Variants in MSN observed in about 807,000 individuals in gnomAD.
MSN encodes the protein epididymis luminal protein 70.
A neutral mutation model predicts 48.0 loss-of-function variants in MSN; 2 were observed. The observed-to-expected ratio is 0.04, with a 90% CI of 0.02 to 0.13. MSN has a LOEUF of 0.13. Ranked by LOEUF, MSN falls within the 10% of genes least tolerant of loss-of-function variation. The pLI is 1.00. For synonymous variants in MSN, 146 were observed against 166.9 expected (o/e 0.87, Z 0.97); for missense variants, 267 against 470.1 (o/e 0.57, Z 3.99).
intron 12 of MSN, 106 bp downstream of exon 12, chrX:65,739,300 G>T (rs1310802830): frequency 1.3e-6 from 1 of 799,907 alleles, no homozygotes; most frequent in African/African-American, 2.1e-5. Context: ...CTGTCCCAGT[G>T]TTGTATGGGA....
intron 1 of MSN, among the ~76,000 whole-genome samples, chrX:65,622,846 A>C (rs780922411): frequency 9.0e-6 from 1 of 111,216 alleles, no homozygotes; most frequent in African/African-American, 3.3e-5. Context: ...TAAAGGGGAA[A>C]AGTTTTCAGT....
At chrX:65,661,110 T>C (rs1436538205) in intron 1 of MSN, among the ~76,000 whole-genome samples, 1 of 110,799 alleles carries the variant, frequency 9.0e-6, no homozygotes, top group East Asian at 2.8e-4. Flanking sequence ...ATTACAGGTG[T>C]CTGCCATCAT....
At chrX:65,725,581 A>C (rs1256428293) in intron 2 of MSN, among the ~76,000 whole-genome samples, 1 of 111,692 alleles carries the variant, frequency 9.0e-6, no homozygotes, top group East Asian at 2.8e-4. Flanking sequence ...GTGCTTTAAA[A>C]AAATCTTTTC....
intron 1 of MSN, among the ~76,000 whole-genome samples, chrX:65,672,822 A>G (rs980601413): frequency 3.6e-5 from 4 of 111,736 alleles, no homozygotes; most frequent in Non-Finnish European, 5.6e-5. Context: ...TCTTGATGGT[A>G]TAAGAGCATT....
chrX:65,738,529 T>C lies in MSN; in HGVS notation c.1256T>C (p.Leu419Ser). 8.3e-7 allele frequency: 1 copy of C among 1,205,511 alleles called. No individual in the cohort carries two copies. Among genetic ancestry groups the C allele is most frequent in the Non-Finnish European group, 1.1e-6 (1 of 892,446 alleles). ...AGGCTTCCAATTTATCCGTAGGCCTTGGAAATGGCAGAGCTGACAGCTCGA... is the reference window on the plus strand; with the variant it reads ...AGGCTTCCAATTTATCCGTAGGCCTCGGAAATGGCAGAGCTGACAGCTCGA... ...DQKKTQEQLA[L>S]EMAELTARIS... is the part of the protein sequence containing the mutation. The change falls in exon 11 of 13, where the codon TTG becomes TCG. Residue 419 changes from leucine (L) to serine (S), a missense_variant. This residue lies in a region of MSN where 70 missense variants were observed against 76.3 expected (regional missense o/e 0.92). Transcript: ENST00000360270.
intron 1 of MSN, among the ~76,000 whole-genome samples, chrX:65,675,795 G>T (rs1346719014): frequency 9.0e-6 from 1 of 110,972 alleles, no homozygotes; most frequent in East Asian, 2.8e-4. Flanking sequence ...GCGCCACCAC[G>T]CCCAGCCAAT....
At chrX:65,661,674 G>T (rs964913418) in intron 1 of MSN, among the ~76,000 whole-genome samples, 4 of 112,041 alleles carry the variant, frequency 3.6e-5, no homozygotes, top group African/African-American at 1.3e-4. Context: ...TTTTAGAATA[G>T]TTTCAGTAGA....
At chrX:65,651,008 T>A (rs997535761) in intron 1 of MSN, among the ~76,000 whole-genome samples, 133 of 112,063 alleles carry the variant, frequency 1.2e-3, no homozygotes, top group African/African-American at 4.2e-3. Context: ...GTGATTACAC[T>A]GTGCCCACGC....
intron 1 of MSN, among the ~76,000 whole-genome samples, chrX:65,653,544 T>TTGGAA (rs1199064780): frequency 9.1e-6 from 1 of 110,425 alleles, no homozygotes; most frequent in African/African-American, 3.3e-5. Context: ...AAGGGGCTAC[T>TTGGAA]ATACATTAGG....
rs2071640613 is a variant in MSN at position 65,733,164 on chromosome X, A to G, written c.699-20A>G. 1 of 1,173,818 alleles carries G rather than the reference A, an allele frequency of 8.5e-7. No homozygotes were observed. Among genetic ancestry groups the G allele is most frequent in the Non-Finnish European group, 1.2e-6 (1 of 862,107 alleles). The stretch of plus-strand genomic sequence containing the variant: ...CTTGTCTTGCCCTTGTCCTGATGTT[A>G]TTGGTTTCTATTTCTACAGACTAAC... On this transcript the variant is annotated intron_variant, in intron 6 of 12. Coordinates refer to ENST00000360270, the MANE Select transcript of MSN (RefSeq NM_002444.3).
chrX:65,598,102 C>T (rs1215253837), intron 1 of MSN, among the ~76,000 whole-genome samples: 1 of 111,166 alleles, frequency 9.0e-6, no homozygotes, highest in African/African-American at 3.3e-5. Context: ...CAGGAAGCAC[C>T]AGAACTATTT....
intron 1 of MSN, chrX:65,593,197 C>G (rs1323682314): frequency 9.2e-6 from 1 of 109,118 alleles, no homozygotes; most frequent in Non-Finnish European, 1.9e-5. Flanking sequence ...GTTTTTTCCT[C>G]CCTCCTTTTC....
chrX:65,713,398 A>G (rs1350363853), intron 1 of MSN, among the ~76,000 whole-genome samples: 1 of 111,419 alleles, frequency 9.0e-6, no homozygotes, highest in African/African-American at 3.3e-5. Flanking sequence ...CCAATGAGAC[A>G]TAAATATAGG....
Position 65,741,921 on chromosome X carries a change from G to A in MSN, c.*2028G>A, listed in dbSNP as rs1408924199. On this transcript the variant is annotated 3_prime_UTR_variant, in exon 13 of 13. Transcript: ENST00000360270. ...TCTATTTCAGTGCCAATAAAATTTA[G>A]GAAGACTTCACAGTGACTCAATCGT... 3 of 150,155 alleles carry A rather than the reference G, an allele frequency of 2.0e-5. No individual in the cohort carries two copies. The Admixed American group carries it at 2.6e-4, about 13-fold the overall frequency. The allele number at this position is 150,155 out of a possible 1,213,427, so 12.4% of individuals were successfully genotyped here.
intron 1 of MSN, among the ~76,000 whole-genome samples, chrX:65,649,445 G>A (rs186436165): frequency 4.2e-4 from 43 of 101,282 alleles, no homozygotes; most frequent in Admixed American, 3.3e-3. Context: ...GCGTGGTGGC[G>A]GGTGCCTGTA....
chrX:65,674,795 A>G lies in MSN; in HGVS notation c.12+6942A>G, dbSNP rs183696746. Reference sequence around the variant, plus strand: ...GCCTGGGGCAGGAAGCTAAAAAAAGACCTTTCAAGCCTCCGTGGAAAGGAA... The same window carrying G: ...GCCTGGGGCAGGAAGCTAAAAAAAGGCCTTTCAAGCCTCCGTGGAAAGGAA... On this transcript the variant is annotated intron_variant, in intron 1 of 12. Coordinates refer to ENST00000360270, the MANE Select transcript of MSN (RefSeq NM_002444.3). Among the ~76,000 whole-genome samples, 37 of 111,713 alleles carry G rather than the reference A, an allele frequency of 3.3e-4. 1 individual carries two copies. The highest frequency in any genetic ancestry group is 1.1e-3 in the African/African-American group (34 of 30,739).
At position 65,609,323 on chromosome X, in the gene MSN, C is replaced by T. The variant is rs148880405; in HGVS notation, c.-22+20711C>T. 3.5e-3 allele frequency among the ~76,000 whole-genome samples: 391 copies of T among 110,373 alleles called. 2 individuals carry two copies. Among genetic ancestry groups the T allele is most frequent in the South Asian group, 0.035 (91 of 2,605 alleles). On this transcript the variant is annotated intron_variant, in intron 1 of 3. Coordinates refer to the MSN transcript ENST00000609672. ...GGGATATAGGGTTTCCATGCCTACC[C>T]TGGGCTCCGTTATTCCAAGGCAGCT...
At chrX:65,733,318 C>G in intron 7 of MSN, 38 bp downstream of exon 7, 5 of 1,034,235 alleles carry the variant, frequency 4.8e-6, no homozygotes, top group Non-Finnish European at 5.4e-6. Flanking sequence ...CAGGTACTTG[C>G]CAAGGCCTGC....
chrX:65,695,807 A>G (rs1160388585), intron 1 of MSN, among the ~76,000 whole-genome samples: 2 of 108,262 alleles, frequency 1.8e-5, no homozygotes, highest in Non-Finnish European at 3.8e-5. Flanking sequence ...TCTTTAATTC[A>G]TTTTCTTCTG....
Sources: allele counts gnomAD v4.1 joint callset (sites outside exome capture counted in the v4.1 genomes callset), GRCh38; gene constraint gnomAD v4.1.1; regional missense constraint gnomAD v4.1.1; transcripts MANE v1.5; gene names NCBI Gene and HGNC (gene_info 2026-07-23, HGNC 2026-07-21).